OGFOD2: variants seen among roughly 807,000 people sequenced by gnomAD.
OGFOD2 encodes the protein 2-oxoglutarate and iron-dependent oxygenase domain-containing protein 2.
Under a neutral mutation model 31.1 loss-of-function variants are expected in OGFOD2, and 34 were observed. That is an observed-to-expected ratio of 1.09 (90% CI 0.83 to 1.45). OGFOD2 has a LOEUF of 1.45. OGFOD2 is among the 40% of genes most tolerant of loss of function. The pLI, the probability that OGFOD2 is intolerant of heterozygous loss-of-function variation, is 0.00. For missense variants in OGFOD2, 537 were observed against 433.9 expected (o/e 1.24, Z -2.11); for synonymous variants, 240 against 192.3 (o/e 1.25, Z -2.05).
In OGFOD2 at chr12:122,979,014, AGTGT is replaced by A; in HGVS notation, c.789+8_789+11del. ...GTATTTTGGGGGCCTCTTCCAGGTG[AGTGT>A]GTGACCCATGCGGCAGGGCCTGGGG... is the stretch of plus-strand genomic sequence containing the variant. On this transcript the variant is annotated splice_donor_5th_base_variant and intron_variant, in intron 6 of 6. Transcript: ENST00000228922. The A allele has an allele frequency of 6.2e-7, 1 of 1,612,212 alleles. No individual in the cohort carries two copies. Among genetic ancestry groups the A allele is most frequent in the Non-Finnish European group, 8.5e-7 (1 of 1,179,434 alleles).
At chr12:122,974,830 A>C (rs2037358572), upstream of OGFOD2, 1 of 159,926 alleles carries the variant, frequency 6.3e-6, no homozygotes, top group African/African-American at 2.4e-5. Context: ...TGATTGAAGC[A>C]CCAGCGGGAA....
chr12:122,977,753 T>C (rs2135955778), intron 4 of OGFOD2: 1 of 154,628 alleles, frequency 6.5e-6, no homozygotes, highest in African/African-American at 2.4e-5. Flanking sequence ...CTGTGCTTTG[T>C]TGGGAGTCAT....
rs985232673 is a variant in OGFOD2 at position 122,978,850 on chromosome 12, G to A, written c.629G>A (p.Gly210Asp). ...ATGGCCCTGCTGTACCCTGACTGTG[G>A]CGGGGGCCGGCTCGACAGCCACCGG... The change falls in exon 6 of 7, where the codon GGC becomes GAC. Residue 210 changes from glycine to aspartate, a missense_variant. Gly to Asp is a moderately conservative substitution (Grantham distance 94). Coordinates refer to ENST00000228922, the Ensembl canonical transcript of OGFOD2. The A allele has an allele frequency of 6.2e-7, 1 of 1,610,804 alleles. No individual in the cohort carries two copies. The highest frequency in any genetic ancestry group is 1.1e-5 in the South Asian group (1 of 90,904).
chr12:122,975,273 C>A (rs532370472), exon 1 of OGFOD2: 2 of 687,904 alleles, frequency 2.9e-6, no homozygotes, highest in Admixed American at 2.1e-5. Flanking sequence ...GGGGGCTCCG[C>A]GGCACTTCTG....
chr12:122,978,847 G>C (rs1268737373), exon 6 of OGFOD2: 8 of 1,611,664 alleles, frequency 5.0e-6, no homozygotes, highest in Non-Finnish European at 5.9e-6. Context: ...TACCCTGACT[G>C]TGGCGGGGGC....
At chr12:122,976,345 G>A in intron 2 of OGFOD2, 2 of 1,611,968 alleles carry the variant, frequency 1.2e-6, no homozygotes, top group Non-Finnish European at 8.5e-7. Flanking sequence ...GCAACCTCTG[G>A]AACACAGGAC....
Position 122,978,570 on chromosome 12 carries a change from G to A in OGFOD2, c.531+1G>A, listed in dbSNP as rs777862408. 1.9e-6 allele frequency: 3 copies of A among 1,612,504 alleles called. No individual in the cohort carries two copies. Among genetic ancestry groups the A allele is most frequent in the Non-Finnish European group, 2.5e-6 (3 of 1,179,296 alleles). On this transcript the variant is annotated splice_donor_variant, in intron 5 of 6. Coordinates refer to ENST00000228922, the Ensembl canonical transcript of OGFOD2. LOFTEE classifies it high-confidence loss of function. ...GCCCAACACCATGAACAACTACGGG[G>A]TGGGTGAGGCCTGGCCGGTGGCAGA... is the stretch of plus-strand genomic sequence containing the variant.
At chr12:122,978,414 G>A in intron 4 of OGFOD2, 28 bp from the exon 5 acceptor site, 1 of 1,611,216 alleles carries the variant, frequency 6.2e-7, no homozygotes, top group Non-Finnish European at 8.5e-7. Flanking sequence ...GCCACATTCA[G>A]GCCAACAGAC....
At chr12:122,978,511 A>C (rs760927546) in exon 5 of OGFOD2, 3 of 1,613,504 alleles carry the variant, frequency 1.9e-6, no homozygotes, top group Non-Finnish European at 2.5e-6. Context: ...GAAGAGCTGG[A>C]GCACTTCGAG....
exon 7 of OGFOD2, chr12:122,979,990 T>C (rs1263890061): frequency 5.0e-6 from 2 of 400,300 alleles, no homozygotes; most frequent in African/African-American, 4.1e-5. Flanking sequence ...ACCTACCTCC[T>C]AGAGCTGTTT....
exon 7 of OGFOD2, chr12:122,979,874 G>A: frequency 4.0e-6 from 1 of 248,104 alleles, no homozygotes. Context: ...GTGAATGGCA[G>A]GGCCAGGAAC....
exon 3 of OGFOD2, chr12:122,976,672 C>T (rs1385727039): frequency 3.1e-6 from 5 of 1,608,982 alleles, no homozygotes; most frequent in East Asian, 2.2e-5. Context: ...GGAGGTGGAG[C>T]GGCGGCAGCG....
chr12:122,976,387 G>GC (rs1416877497), intron 2 of OGFOD2: 1 of 1,613,750 alleles, frequency 6.2e-7, no homozygotes, highest in Non-Finnish European at 8.5e-7. Context: ...CCCTGTGTGG[G>GC]CCCAGATGGT....
chr12:122,979,290 G>A lies in OGFOD2; in HGVS notation c.997G>A (p.Gly333Ser), dbSNP rs201467741. ...CGACCTGGTGGACGATGAGGGCTTC[G>A]GTGATGGCTTCACCCGAGAGGAGCC... The change falls in exon 7 of 7, where the codon GGT becomes AGT. Residue 333 changes from glycine to serine, a missense_variant. By Grantham distance (56) the Gly-to-Ser change is moderately conservative (BLOSUM62 0). Transcript: ENST00000228922. The A allele has an allele frequency of 4.4e-5, 71 of 1,612,704 alleles. No homozygotes were observed. Among genetic ancestry groups the A allele is most frequent in the Middle Eastern group, 3.3e-4 (2 of 6,080 alleles).
intron 4 of OGFOD2, 77 bp from the exon 5 acceptor site, chr12:122,978,365 G>GA: frequency 6.3e-7 from 1 of 1,575,786 alleles, no homozygotes. Flanking sequence ...CACAGGTGAT[G>GA]AAACAGGAAG....
chr12:122,979,202 T>G, exon 7 of OGFOD2: 7 of 1,612,248 alleles, frequency 4.3e-6, no homozygotes, highest in Non-Finnish European at 5.1e-6. Context: ...GTTGGAACCT[T>G]GTCGTCTGGC....
intron 2 of OGFOD2, chr12:122,976,285 T>A: frequency 7.8e-7 from 1 of 1,279,306 alleles, no homozygotes; most frequent in Non-Finnish European, 1.1e-6. Context: ...CACTCCCTCC[T>A]CCTCCTTCCC....
intron 4 of OGFOD2, chr12:122,977,171 C>G (rs192074448): frequency 3.2e-6 from 2 of 632,598 alleles, no homozygotes; most frequent in East Asian, 5.7e-5. Flanking sequence ...AGCCTGGTAT[C>G]TTCATTCTTT....
rs772659109 is a variant in OGFOD2, at chr12:122,978,814, T to C, written c.593T>C (p.Leu198Pro). The change falls in exon 6 of 7, where the codon CTG becomes CCG. Residue 198 changes from leucine (L) to proline (P), a missense_variant. Leu to Pro is a moderately conservative substitution (Grantham distance 98). Coordinates refer to ENST00000228922, the Ensembl canonical transcript of OGFOD2. ...ATGACACCACTGCGGGAGCGCTTCC[T>C]GCAGCCGCTGATGGCCCTGCTGTAC... The C allele has an allele frequency of 9.9e-6, 16 of 1,612,294 alleles. 1 individual carries two copies. In the South Asian group the frequency reaches 1.6e-4, roughly 17 times the overall value.
Sources: gnomAD v4.1 joint callset for allele counts on GRCh38, gnomAD v4.1.1 for gene constraint, MANE v1.5 for transcripts, NCBI Gene and HGNC (gene_info 2026-07-23, HGNC 2026-07-21) for gene names.